Variants in TAFA4 observed in about 807,000 individuals in gnomAD.
TAFA4 encodes chemokine-like protein TAFA-4.
In TAFA4, 20 loss-of-function variants were observed where a neutral mutation model predicts 21.1. The observed-to-expected ratio is 0.95, with a 90% CI of 0.67 to 1.38. The LOEUF (loss-of-function observed/expected upper bound fraction) is 1.38. Among genes scored for constraint, TAFA4 ranks in the 40% most tolerant of loss-of-function variants. The pLI, the probability that TAFA4 is intolerant of heterozygous loss-of-function variation, is 0.00. For synonymous variants in TAFA4, 71 were observed against 67.4 expected, an observed-to-expected ratio of 1.05 and a Z score of -0.26; for missense variants, 211 against 180.9, an observed-to-expected ratio of 1.17 and a Z score of -0.95.
At chr3:68,810,522 T>C (rs62254116) in intron 3 of TAFA4, among the ~76,000 whole-genome samples, 36,439 of 152,052 alleles carry the variant, frequency 0.24, 5,737 homozygotes, top group Non-Finnish European at 0.34. Context: ...ACCAGAAGAT[T>C]ATATCCTGCG....
intron 3 of TAFA4, among the ~76,000 whole-genome samples, chr3:68,799,057 A>G (rs1287236333): frequency 2.0e-5 from 3 of 152,180 alleles, no homozygotes; most frequent in Non-Finnish European, 4.4e-5. Flanking sequence ...GCCACTGAAG[A>G]GTTTTTGAGC....
At chr3:68,761,925 T>A (rs35531953) in intron 3 of TAFA4, among the ~76,000 whole-genome samples, 2 of 151,954 alleles carry the variant, frequency 1.3e-5, no homozygotes, top group African/African-American at 4.8e-5. Context: ...TGAACAAGAA[T>A]GGAGTCGTCC....
intron 3 of TAFA4, among the ~76,000 whole-genome samples, chr3:68,780,092 T>C (rs1317581334): frequency 1.3e-5 from 2 of 152,228 alleles, no homozygotes; most frequent in Non-Finnish European, 2.9e-5. Context: ...CCACTGAATT[T>C]AGGACTTGCA....
chr3:68,844,617 C>T (rs776951057), intron 3 of TAFA4, among the ~76,000 whole-genome samples: 5 of 152,040 alleles, frequency 3.3e-5, no homozygotes, highest in African/African-American at 4.8e-5. Flanking sequence ...TGTTAGGTGT[C>T]GATTTTAGAT....
In TAFA4 at chr3:68,924,297, G is replaced by T. The variant is rs577932901; in HGVS notation, c.-123+7943C>A. Among the ~76,000 whole-genome samples the T allele has an allele frequency of 1.1e-4, 16 of 152,212 alleles. 1 individual carries two copies. Among genetic ancestry groups the T allele is most frequent in the Non-Finnish European group, 1.9e-4 (13 of 68,044 alleles). On this transcript the variant is annotated intron_variant, in intron 1 of 5. Coordinates refer to ENST00000295569, the MANE Select transcript of TAFA4 (RefSeq NM_182522.5). Reference sequence around the variant, plus strand: ...GGCTATACATGCAATGGATTATTCAGCCTTAAAAAGGAAATTCTGACACAT... The same window carrying T: ...GGCTATACATGCAATGGATTATTCATCCTTAAAAAGGAAATTCTGACACAT...
chr3:68,865,244 T>C (rs1341721160), intron 3 of TAFA4, among the ~76,000 whole-genome samples: 3 of 152,106 alleles, frequency 2.0e-5, no homozygotes, highest in Non-Finnish European at 4.4e-5. Context: ...TTATCACCAG[T>C]AATATCCCAC....
chr3:68,768,628 CA>C (rs940215079), intron 3 of TAFA4, among the ~76,000 whole-genome samples: 1 of 151,168 alleles, frequency 6.6e-6, no homozygotes, highest in Non-Finnish European at 1.5e-5. Context: ...AATCATATGC[CA>C]AAAAAAATAG....
At chr3:68,766,073 G>A (rs1331733009) in intron 3 of TAFA4, among the ~76,000 whole-genome samples, 1 of 151,900 alleles carries the variant, frequency 6.6e-6, no homozygotes, top group Non-Finnish European at 1.5e-5. Flanking sequence ...ACTAGAGAAT[G>A]GAGAAACAAT....
rs180951265 is a variant in TAFA4, at chr3:68,830,710, C to T, written c.130+50020G>A. ...CTGTAGAGGTCTACTAGGTCCACTT[C>T]GTCCAGAGCTGAGTTCATGTCTTGA... On this transcript the variant is annotated intron_variant, in intron 3 of 5. Coordinates refer to ENST00000295569, the MANE Select transcript of TAFA4 (RefSeq NM_182522.5). 2.2e-3 allele frequency among the ~76,000 whole-genome samples: 328 copies of T among 152,138 alleles called. 5 individuals carry two copies. Among genetic ancestry groups the T allele is most frequent in the African/African-American group, 7.5e-3 (311 of 41,526 alleles).
intron 2 of TAFA4, among the ~76,000 whole-genome samples, chr3:68,881,480 A>T (rs1419006741): frequency 6.6e-6 from 1 of 152,220 alleles, no homozygotes; most frequent in Non-Finnish European, 1.5e-5. Flanking sequence ...TTCTAAAACA[A>T]AAGAGTAAAA....
chr3:68,918,273 G>A (rs550446046), intron 1 of TAFA4, among the ~76,000 whole-genome samples: 1 of 152,084 alleles, frequency 6.6e-6, no homozygotes, highest in African/African-American at 2.4e-5. Flanking sequence ...TCAGAGGAAG[G>A]GGGAGAGGTC....
intron 3 of TAFA4, among the ~76,000 whole-genome samples, chr3:68,762,304 C>A (rs890839100): frequency 1.3e-5 from 2 of 152,060 alleles, no homozygotes; most frequent in East Asian, 3.9e-4. Context: ...ACTATAATGA[C>A]TATTTGAGAA....
At chr3:68,758,752 G>A (rs541456990) in intron 3 of TAFA4, among the ~76,000 whole-genome samples, 1 of 152,304 alleles carries the variant, frequency 6.6e-6, no homozygotes, top group East Asian at 1.9e-4. Flanking sequence ...GGTGCTCAAA[G>A]CCTGATGGCA....
rs2089985077 is a variant in TAFA4 at position 68,914,334 on chromosome 3, G to A, written c.-123+17906C>T. Among the ~76,000 whole-genome samples the A allele has an allele frequency of 2.0e-5, 3 of 152,272 alleles. No homozygotes were observed. The South Asian group carries it at 6.2e-4, about 32-fold the overall frequency. The stretch of plus-strand genomic sequence containing the variant: ...CTGGTAGTGGTGTGTATGACTAGGA[G>A]GGTTACAAAGGACCAATCTGGGTGC... On this transcript the variant is annotated intron_variant, in intron 1 of 5. Transcript: ENST00000295569.
At chr3:68,733,913 TCC>T (rs1476262918) in intron 5 of TAFA4, among the ~76,000 whole-genome samples, 1 of 152,110 alleles carries the variant, frequency 6.6e-6, no homozygotes, top group Non-Finnish European at 1.5e-5. Context: ...ACAGTATTAC[TCC>T]CCTTTTGTTT....
intron 4 of TAFA4, among the ~76,000 whole-genome samples, chr3:68,750,983 T>C (rs1459513134): frequency 6.6e-6 from 1 of 152,174 alleles, no homozygotes; most frequent in Admixed American, 6.5e-5. Context: ...TACAATAACA[T>C]GGGATGAATG....
At position 68,880,902 on chromosome 3, in the gene TAFA4, C is replaced by A. The variant is rs1177549406; in HGVS notation, c.15-57G>T. 3.6e-6 allele frequency: 5 copies of A among 1,402,624 alleles called. No individual in the cohort carries two copies. In the African/African-American group the frequency reaches 4.2e-5, roughly 12 times the overall value. 86.9% of individuals were successfully genotyped at this position (1,402,624 alleles called of 1,614,324 possible). On this transcript the variant is annotated intron_variant, in intron 2 of 5. Transcript: ENST00000295569. ...GGCTGAGGAAGGCCAGACTCCCTGG[C>A]AAGCACCATTCTAGGAAGGCGGGAG...
intron 3 of TAFA4, among the ~76,000 whole-genome samples, chr3:68,762,061 A>T (rs977216436): frequency 2.0e-5 from 3 of 152,012 alleles, no homozygotes; most frequent in Non-Finnish European, 4.4e-5. Flanking sequence ...TTTAGGAAAG[A>T]CATTTGCTCA....
At chr3:68,884,642 G>A (rs2089652811) in intron 2 of TAFA4, among the ~76,000 whole-genome samples, 1 of 152,212 alleles carries the variant, frequency 6.6e-6, no homozygotes, top group South Asian at 2.1e-4. Flanking sequence ...ATTTACCCAA[G>A]CTCACAGAGC....
Sources: gnomAD v4.1 joint callset for allele counts (sites outside exome capture counted in the v4.1 genomes callset) on GRCh38, gnomAD v4.1.1 for gene constraint, MANE v1.5 for transcripts, NCBI Gene and HGNC (gene_info 2026-07-23, HGNC 2026-07-21) for gene names.